The following NAV2 variants were observed in gnomAD, a reference collection of about 807,000 sequenced individuals.
NAV2 encodes the protein helicase, APC down-regulated 1.
A neutral mutation model predicts 223.2 loss-of-function variants in NAV2; 54 were observed. That is an observed-to-expected ratio of 0.24 (90% CI 0.19 to 0.30). The LOEUF (loss-of-function observed/expected upper bound fraction) is 0.30, where lower values mean the gene tolerates loss of function less well. Among genes scored for constraint, NAV2 ranks in the 10% least tolerant of loss-of-function variants. The probability of loss-of-function intolerance (pLI) is 1.00; values close to 1 mark genes in which losing one functional copy is unlikely to be tolerated. For missense variants in NAV2, 2,806 were observed against 3,147.5 expected (o/e 0.89, Z 2.60); for synonymous variants, 1,279 against 1,239.3 (o/e 1.03, Z -0.67).
chr11:19,769,387 T>G (rs2055518774), intron 1 of NAV2, among the ~76,000 whole-genome samples: 1 of 152,266 alleles, frequency 6.6e-6, no homozygotes, highest in African/African-American at 2.4e-5. Context: ...CTTGAAGTTT[T>G]CCTTTGCTAA....
At position 19,998,017 on chromosome 11, in the gene NAV2, C is replaced by T. The variant is rs1162639600; in HGVS notation, c.2768+13770C>T. ...GGAACAATAAGCTCCTAGGTATGGT[C>T]TCCCCCAAGACTGAGAGGAAGGAAG... On this transcript the variant is annotated intron_variant, in intron 11 of 37. Coordinates refer to ENST00000349880, the MANE Select transcript of NAV2 (RefSeq NM_145117.5). This position sits in a 1 kb window ranked among gnomAD's most constrained non-coding sequence, Gnocchi z 5.0. Among the ~76,000 whole-genome samples the T allele has an allele frequency of 6.6e-6, 1 of 152,128 alleles. No individual in the cohort carries two copies. Among genetic ancestry groups the T allele is most frequent in the Non-Finnish European group, 1.5e-5 (1 of 68,020 alleles).
intron 1 of NAV2, among the ~76,000 whole-genome samples, chr11:19,654,233 A>G (rs2048052983): frequency 6.6e-6 from 1 of 152,222 alleles, no homozygotes; most frequent in African/African-American, 2.4e-5. Context: ...TGCTCAACAA[A>G]ATAAAAGAGG....
At chr11:20,014,041 G>A (rs1342748713) in intron 11 of NAV2, among the ~76,000 whole-genome samples, 3 of 152,184 alleles carry the variant, frequency 2.0e-5, no homozygotes, top group African/African-American at 4.8e-5. Context: ...CTGCATGACC[G>A]GGGCCAGTGG....
At chr11:19,660,568 A>T (rs1246620553) in intron 1 of NAV2, among the ~76,000 whole-genome samples, 1 of 152,150 alleles carries the variant, frequency 6.6e-6, no homozygotes, top group African/African-American at 2.4e-5. Context: ...TCAGATCCCA[A>T]CAAAAGTCAG....
At chr11:19,944,640 CTCTTT>C (rs141114398) in intron 8 of NAV2, among the ~76,000 whole-genome samples, 76,009 of 142,316 alleles carry the variant, frequency 0.53, 21,045 homozygotes, top group East Asian at 0.7. Context: ...CTTTCCTTTT[CTCTTT>C]TCTTTCCTTT....
chr11:19,809,738 T>C (rs922625156), intron 1 of NAV2, among the ~76,000 whole-genome samples: 1 of 152,226 alleles, frequency 6.6e-6, no homozygotes, highest in Non-Finnish European at 1.5e-5. Context: ...ATGCTTCTAA[T>C]GGTTTTGAAA....
At chr11:19,652,299 C>A (rs890825809) in intron 1 of NAV2, among the ~76,000 whole-genome samples, 1 of 152,144 alleles carries the variant, frequency 6.6e-6, no homozygotes, top group Non-Finnish European at 1.5e-5. Flanking sequence ...CTGAAGCCAG[C>A]AGAGCTGACA....
At position 19,933,399 on chromosome 11, in the gene NAV2, G is replaced by A; in HGVS notation, c.1155G>A (p.Arg385=). ...AGCCTCCTGGGCCTGAGGCCCCCAG[G>A]CCCACACCTGAAGCCATGAAGCCGG... is the stretch of plus-strand genomic sequence containing the variant. The part of the protein sequence containing the change: ...SVKPPGPEAP[R]PTPEAMKPAP... Residue 385 remains arginine (R), a synonymous_variant, in exon 7 of 38, where the codon AGG becomes AGA. Transcript: ENST00000349880. This position sits in a 1 kb window ranked among gnomAD's most constrained non-coding sequence, Gnocchi z 4.3. The A allele has an allele frequency of 6.3e-7, 1 of 1,581,538 alleles. No individual in the cohort carries two copies. Among genetic ancestry groups the A allele is most frequent in the Non-Finnish European group, 8.6e-7 (1 of 1,163,722 alleles).
In NAV2 at chr11:20,045,035, C is replaced by T. The variant is rs2057306696; in HGVS notation, c.3267C>T (p.Arg1089=). 1.2e-6 allele frequency: 2 copies of T among 1,614,116 alleles called. No individual in the cohort carries two copies. Among genetic ancestry groups the T allele is most frequent in the Non-Finnish European group, 1.7e-6 (2 of 1,180,032 alleles). Residue 1089 remains arginine, a synonymous_variant, in exon 14 of 38, where the codon CGC becomes CGT. Transcript: ENST00000349880. ...CTCCTAAAGCCTCCCAGGTGAAGCG[C>T]TCCCCATCAGATGCAGGCCGGAGCA... ...RLSPKASQVK[R]SPSDAGRSSG...
intron 1 of NAV2, among the ~76,000 whole-genome samples, chr11:19,466,996 C>T (rs1023760552): frequency 1.4e-4 from 17 of 122,006 alleles, no homozygotes; most frequent in African/African-American, 4.9e-4. Context: ...CACACACACA[C>T]ACACACACAC....
intron 29 of NAV2, among the ~76,000 whole-genome samples, chr11:20,094,191 AG>A (rs2061065737): frequency 4.1e-5 from 6 of 146,104 alleles, no homozygotes; most frequent in Admixed American, 4.1e-4. Context: ...ATGGACTGTT[AG>A]GGGAAACTCG....
Position 19,880,102 on chromosome 11 carries a change from AAAGCAC to A in NAV2, c.750_755del (p.Gln251_Ala252del), listed in dbSNP as rs757456108. 6.2e-7 allele frequency: 1 copy of A among 1,603,558 alleles called. No individual in the cohort carries two copies. Among genetic ancestry groups the A allele is most frequent in the Non-Finnish European group, 8.5e-7 (1 of 1,173,640 alleles). On this transcript the variant is annotated inframe_deletion, in exon 5 of 38. Transcript: ENST00000349880. ...CCAGCCAGCGCCACATCAGCAGTCA[AAAGCAC>A]AAGCTGAAATGCAGTCCAGGTGGGG...
intron 10 of NAV2, among the ~76,000 whole-genome samples, chr11:19,950,042 C>T (rs1258022034): frequency 2.0e-5 from 3 of 152,212 alleles, no homozygotes; most frequent in Non-Finnish European, 4.4e-5. Flanking sequence ...TCAGATCACC[C>T]TGCAGACTTA....
chr11:19,771,420 A>T (rs1279243646), intron 1 of NAV2, among the ~76,000 whole-genome samples: 1 of 152,086 alleles, frequency 6.6e-6, no homozygotes, highest in Non-Finnish European at 1.5e-5. Context: ...CGTGATATCA[A>T]TTGGTAGAGA....
At chr11:19,678,130 G>A (rs1274680298) in intron 1 of NAV2, among the ~76,000 whole-genome samples, 2 of 152,314 alleles carry the variant, frequency 1.3e-5, no homozygotes, top group Middle Eastern at 3.4e-3. Context: ...TCAGAGGGGA[G>A]TTGAGTCCCA....
intron 1 of NAV2, among the ~76,000 whole-genome samples, chr11:19,736,050 C>A (rs11025229): frequency 0.086 from 13,137 of 152,206 alleles, 731 homozygotes; most frequent in South Asian, 0.17. Context: ...CTTTGTTCCC[C>A]AGGGAAGCTC....
intron 1 of NAV2, among the ~76,000 whole-genome samples, chr11:19,597,658 A>T (rs1011352391): frequency 2.0e-5 from 3 of 152,232 alleles, no homozygotes; most frequent in Non-Finnish European, 2.9e-5. Context: ...AGTCCCAATT[A>T]GTTGCTTGTT....
At chr11:19,492,020 A>G (rs371428569) in intron 1 of NAV2, among the ~76,000 whole-genome samples, 1 of 152,142 alleles carries the variant, frequency 6.6e-6, no homozygotes, top group Non-Finnish European at 1.5e-5. Context: ...TCAATGGAGA[A>G]GTCAAAACAT....
intron 1 of NAV2, among the ~76,000 whole-genome samples, chr11:19,464,779 C>T (rs1046080889): frequency 2.6e-5 from 4 of 152,228 alleles, no homozygotes; most frequent in Non-Finnish European, 5.9e-5. Context: ...GTTAGGCCTT[C>T]CTGGCAGGCC....
Sources: allele counts gnomAD v4.1 joint callset (sites outside exome capture counted in the v4.1 genomes callset), GRCh38; gene constraint gnomAD v4.1.1; non-coding constraint Gnocchi (gnomAD v3.1); transcripts MANE v1.5; gene names NCBI Gene and HGNC (gene_info 2026-07-23, HGNC 2026-07-21).